SIN3A: variants seen among roughly 807,000 people sequenced by gnomAD.
SIN3A encodes the protein SIN3 transcription regulator family member A.
In SIN3A, 14 loss-of-function variants were observed where a neutral mutation model predicts 146.1. The ratio of observed to expected loss-of-function variants is 0.10; its 90% CI spans 0.06 to 0.15. SIN3A has a LOEUF of 0.15. SIN3A is among the 10% of genes least tolerant of loss of function. The probability of loss-of-function intolerance (pLI) is 1.00; values close to 1 mark genes in which losing one functional copy is unlikely to be tolerated. For missense variants in SIN3A, 1,028 were observed against 1,576.0 expected, an observed-to-expected ratio of 0.65 and a Z score of 5.89; for synonymous variants, 572 against 572.0, an observed-to-expected ratio of 1.00 and a Z score of 0.00.
At chr15:75,425,981 T>A (rs1163888734) in intron 2 of SIN3A, among the ~76,000 whole-genome samples, 2 of 152,194 alleles carry the variant, frequency 1.3e-5, no homozygotes, top group Non-Finnish European at 2.9e-5. Context: ...AAAGAAACTA[T>A]TTAGACAATT....
chr15:75,429,896 T>C (rs2073986505), intron 2 of SIN3A, among the ~76,000 whole-genome samples: 1 of 152,220 alleles, frequency 6.6e-6, no homozygotes, highest in Admixed American at 6.5e-5. Flanking sequence ...TATGTTAGTT[T>C]TTTTAAGTAA....
chr15:75,436,470 A>G (rs2074110192), intron 1 of SIN3A: 1 of 152,130 alleles, frequency 6.6e-6, no homozygotes, highest in African/African-American at 2.4e-5. Flanking sequence ...AATGCTATAA[A>G]CAATATTAAA....
chr15:75,411,777 T>G, intron 5 of SIN3A, 34 bp from the exon 6 acceptor site: 1 of 1,535,238 alleles, frequency 6.5e-7, no homozygotes, highest in Non-Finnish European at 8.8e-7. Flanking sequence ...TCTCTTCAGA[T>G]GCATAGATGA....
intron 14 of SIN3A, among the ~76,000 whole-genome samples, chr15:75,393,654 C>A (rs747558626): frequency 2.6e-5 from 4 of 152,084 alleles, no homozygotes; most frequent in African/African-American, 9.7e-5. Flanking sequence ...GGATTACAGG[C>A]GTGAGCCACT....
At chr15:75,406,637 G>A (rs1411564266) in intron 9 of SIN3A, among the ~76,000 whole-genome samples, 4 of 152,160 alleles carry the variant, frequency 2.6e-5, no homozygotes, top group Admixed American at 6.5e-5. Flanking sequence ...GCAGTGAGCC[G>A]AGATTGCGCC....
chr15:75,444,598 G>A (rs2074272003), intron 1 of SIN3A, among the ~76,000 whole-genome samples: 1 of 152,010 alleles, frequency 6.6e-6, no homozygotes, highest in Non-Finnish European at 1.5e-5. Flanking sequence ...ACCAGGTGCA[G>A]TGGCTCAGGC....
chr15:75,412,721 AG>A, intron 5 of SIN3A, 41 bp downstream of exon 5: 2 of 1,507,486 alleles, frequency 1.3e-6, no homozygotes, highest in East Asian at 4.6e-5. Context: ...GGTGCTCTCT[AG>A]GGATGCATTC....
rs1372065099 is a variant in SIN3A, at chr15:75,439,586, C to T, written c.-33-9178G>A. Among the ~76,000 whole-genome samples, 18 of 151,872 alleles carry T rather than the reference C, an allele frequency of 1.2e-4. No homozygotes were observed. In the East Asian group the frequency reaches 3.5e-3, roughly 30 times the overall value. On this transcript the variant is annotated intron_variant, in intron 1 of 20. Transcript: ENST00000394947. ...GGTCTCGATCTCCTGACCTCGTGAT[C>T]CGCCCACCTCAGCCTCCCAAAGTGC...
At chr15:75,455,603 G>C (rs985001046), upstream of SIN3A, 26 of 152,472 alleles carry the variant, frequency 1.7e-4, no homozygotes, top group African/African-American at 6.0e-4. Flanking sequence ...GCGGCGCCAA[G>C]AGCTCTCCTT....
rs768551412 is a variant in SIN3A at position 75,369,652 on chromosome 15, T to C, written c.*2327A>G. ...TTGGGACTTTCTCCTGAACTGGCCT[T>C]GAAATCCTATCCTGACCTGCAGGCA... is the stretch of plus-strand genomic sequence containing the variant. On this transcript the variant is annotated 3_prime_UTR_variant, in exon 21 of 21. Coordinates refer to ENST00000394947, the MANE Select transcript of SIN3A (RefSeq NM_001145358.2). The C allele has an allele frequency of 6.6e-6, 1 of 152,216 alleles. No homozygotes were observed. Among genetic ancestry groups the C allele is most frequent in the Non-Finnish European group, 1.5e-5 (1 of 68,050 alleles). The allele number at this position is 152,216 out of a possible 1,614,324, so 9.4% of individuals were successfully genotyped here. A position where few individuals can be genotyped will look rare whatever the true frequency, so the allele number is the denominator to read the frequency against.
intron 15 of SIN3A, among the ~76,000 whole-genome samples, 194 bp from the exon 16 acceptor site, chr15:75,390,015 G>A (rs916484439): frequency 2.6e-5 from 4 of 152,214 alleles, no homozygotes; most frequent in South Asian, 2.1e-4. Context: ...CACTATCAGA[G>A]TGACTCTGCA....
intron 15 of SIN3A, among the ~76,000 whole-genome samples, chr15:75,390,613 G>A (rs565017623): frequency 2.9e-3 from 444 of 152,284 alleles, no homozygotes; most frequent in Middle Eastern, 6.8e-3. Context: ...TCAACAAAGT[G>A]GAAAAAGGAC....
intron 3 of SIN3A, among the ~76,000 whole-genome samples, chr15:75,418,302 T>C (rs1021917759): frequency 6.6e-6 from 1 of 151,690 alleles, no homozygotes; most frequent in Non-Finnish European, 1.5e-5. Context: ...CGTGCTGGGA[T>C]TACAGGCGTA....
chr15:75,431,650 TAAA>T (rs56930699), intron 1 of SIN3A, among the ~76,000 whole-genome samples: 9 of 148,078 alleles, frequency 6.1e-5, no homozygotes, highest in African/African-American at 7.4e-5. Flanking sequence ...ACGGTTAAGT[TAAA>T]AAAAAAAAAA....
intron 9 of SIN3A, 143 bp downstream of exon 9, chr15:75,406,912 A>T (rs771305085): frequency 2.4e-5 from 13 of 549,336 alleles, no homozygotes; most frequent in Non-Finnish European, 3.5e-5. Context: ...GCAGACTCAA[A>T]GGACTCACAA....
intron 1 of SIN3A, among the ~76,000 whole-genome samples, chr15:75,448,916 C>T (rs555324690): frequency 6.6e-6 from 1 of 152,178 alleles, no homozygotes; most frequent in African/African-American, 2.4e-5. Flanking sequence ...ATTATTAAAA[C>T]CCTCTTAATT....
At chr15:75,386,209 G>C (rs2073073472) in intron 16 of SIN3A, among the ~76,000 whole-genome samples, 2 of 152,044 alleles carry the variant, frequency 1.3e-5, no homozygotes, top group African/African-American at 4.8e-5. Flanking sequence ...TGTATTTTCA[G>C]AAGAGACGGG....
At chr15:75,444,212 C>A (rs1469843458) in intron 1 of SIN3A, among the ~76,000 whole-genome samples, 1 of 152,074 alleles carries the variant, frequency 6.6e-6, no homozygotes, top group Non-Finnish European at 1.5e-5. Flanking sequence ...TGCCTGTAAT[C>A]GCAGCACTTC....
chr15:75,442,710 A>G (rs987871294), intron 1 of SIN3A, among the ~76,000 whole-genome samples: 1 of 151,078 alleles, frequency 6.6e-6, no homozygotes, highest in Non-Finnish European at 1.5e-5. Context: ...CAGGTGGATC[A>G]CCTGAGGTTG....
Sources: allele counts gnomAD v4.1 joint callset (sites outside exome capture counted in the v4.1 genomes callset), GRCh38; gene constraint gnomAD v4.1.1; transcripts MANE v1.5; gene names NCBI Gene and HGNC (gene_info 2026-07-23, HGNC 2026-07-21).